The following ADARB2 variants were observed in gnomAD, a reference collection of about 807,000 sequenced individuals.
The protein encoded by ADARB2 is inactive double-stranded RNA-specific editase B2.
Under a neutral mutation model 62.2 loss-of-function variants are expected in ADARB2, and 25 were observed. The observed-to-expected ratio is 0.40, with a 90% confidence interval of 0.29 to 0.56. The LOEUF is 0.56. ADARB2 is among the 20% of genes least tolerant of loss of function. The pLI is 0.43. For synonymous variants in ADARB2, 572 were observed against 500.8 expected (o/e 1.14, Z -1.90); for missense variants, 1,071 against 1,077.4 (o/e 0.99, Z 0.08).
intron 1 of ADARB2, among the ~76,000 whole-genome samples, chr10:1,538,501 TGTGA>T (rs1007496974): frequency 3.9e-5 from 6 of 152,198 alleles, no homozygotes; most frequent in Non-Finnish European, 7.3e-5. Flanking sequence ...CAGAGCCCAG[TGTGA>T]GTTATCTCAG....
At chr10:1,294,031 A>G (rs1831501999) in intron 3 of ADARB2, among the ~76,000 whole-genome samples, 1 of 152,248 alleles carries the variant, frequency 6.6e-6, no homozygotes, top group African/African-American at 2.4e-5. Context: ...GAAAAAACTT[A>G]GAGCAAGCTC....
At chr10:1,462,548 AGTGTATGTGCCTGT>A (rs781237063) in intron 1 of ADARB2, among the ~76,000 whole-genome samples, 145 of 151,524 alleles carry the variant, frequency 9.6e-4, no homozygotes, top group Middle Eastern at 6.8e-3. Context: ...TATGTACATG[AGTGTATGTGCCTGT>A]GTGTATGTGC....
chr10:1,323,268 A>C (rs1021825852), intron 3 of ADARB2, among the ~76,000 whole-genome samples: 2 of 144,026 alleles, frequency 1.4e-5, no homozygotes, highest in African/African-American at 5.2e-5. Context: ...AAAAAAAAAA[A>C]CACTGTTAGG....
intron 1 of ADARB2, among the ~76,000 whole-genome samples, chr10:1,690,718 C>T (rs541926336): frequency 6.6e-6 from 1 of 152,300 alleles, no homozygotes; most frequent in African/African-American, 2.4e-5. Context: ...CCAAGGCCTG[C>T]TGACTGCACC....
chr10:1,227,307 C>A (rs945510468), intron 6 of ADARB2, among the ~76,000 whole-genome samples: 1 of 152,230 alleles, frequency 6.6e-6, no homozygotes, highest in African/African-American at 2.4e-5. Flanking sequence ...CTGTCTGTCA[C>A]CCCTTTCTTT....
intron 1 of ADARB2, among the ~76,000 whole-genome samples, chr10:1,557,952 T>C (rs1832728471): frequency 8.7e-6 from 1 of 115,306 alleles, no homozygotes; most frequent in Admixed American, 8.5e-5. Flanking sequence ...CAAAACAAAA[T>C]CCATGTTCTT....
chr10:1,603,992 A>G (rs142865344), intron 1 of ADARB2, among the ~76,000 whole-genome samples: 136 of 152,054 alleles, frequency 8.9e-4, no homozygotes, highest in African/African-American at 3.1e-3. Context: ...TTTAGTAAAG[A>G]TGGGGTTTCA....
chr10:1,187,874 G>T (rs536967461), intron 8 of ADARB2: 1 of 426,390 alleles, frequency 2.3e-6, no homozygotes, highest in South Asian at 1.6e-5. Flanking sequence ...GTGTCCATAT[G>T]TGCACAGGGA....
chr10:1,450,771 G>A (rs1831026827), intron 1 of ADARB2, among the ~76,000 whole-genome samples: 3 of 152,206 alleles, frequency 2.0e-5, no homozygotes, highest in African/African-American at 4.8e-5. Flanking sequence ...GGGGCTTTGG[G>A]GGCTGCAGGA....
chr10:1,704,087 G>T lies in ADARB2; in HGVS notation c.100+32964C>A, dbSNP rs899426047. On this transcript the variant is annotated intron_variant, in intron 1 of 9. Transcript: ENST00000381312. This position sits in a 1 kb window ranked among gnomAD's most constrained non-coding sequence, Gnocchi z 5.6. The stretch of plus-strand genomic sequence containing the variant: ...CTATATCTAACTTCCTGTGGGTCAG[G>T]AATCCAGGAGCAGCCTCACTCTTGC... Among the ~76,000 whole-genome samples the T allele has an allele frequency of 1.3e-5, 2 of 152,156 alleles. No homozygotes were observed. Among genetic ancestry groups the T allele is most frequent in the African/African-American group, 2.4e-5 (1 of 41,428 alleles).
chr10:1,697,133 C>A (rs567950501), intron 1 of ADARB2, among the ~76,000 whole-genome samples: 1 of 152,138 alleles, frequency 6.6e-6, no homozygotes, highest in African/African-American at 2.4e-5. Flanking sequence ...CCTCCCTGCT[C>A]ATCTGGGTGG....
At chr10:1,415,203 G>T (rs1832791926) in intron 1 of ADARB2, among the ~76,000 whole-genome samples, 1 of 151,958 alleles carries the variant, frequency 6.6e-6, no homozygotes, top group Non-Finnish European at 1.5e-5. Flanking sequence ...ACAGATGGTG[G>T]ATGGATGGGT....
At chr10:1,443,486 G>A (rs772321501) in intron 1 of ADARB2, among the ~76,000 whole-genome samples, 23 of 152,070 alleles carry the variant, frequency 1.5e-4, no homozygotes, top group Non-Finnish European at 2.9e-4. Flanking sequence ...AATTGAATTA[G>A]TATTTTTATT....
At chr10:1,540,223 G>A (rs76987136) in intron 1 of ADARB2, among the ~76,000 whole-genome samples, 6,350 of 152,090 alleles carry the variant, frequency 0.042, 217 homozygotes, top group Non-Finnish European at 0.069. Flanking sequence ...AGGGCAGCCC[G>A]TGGGTCCTGA....
In ADARB2 at chr10:1,182,887, A is replaced by G; in HGVS notation, c.*306T>C. The G allele has an allele frequency of 3.2e-6, 1 of 309,560 alleles. No homozygotes were observed. The highest frequency in any genetic ancestry group is 6.1e-6 in the Non-Finnish European group (1 of 164,418). 19.2% of individuals were successfully genotyped at this position (309,560 alleles called of 1,614,324 possible). ...TGGTGTCGTGTCGGTGCCTCCTTCC[A>G]AGGCTGCAGCTAAAACCCCTTTGCC... is the stretch of plus-strand genomic sequence containing the variant. On this transcript the variant is annotated 3_prime_UTR_variant, in exon 10 of 10. Coordinates refer to ENST00000381312, the MANE Select transcript of ADARB2 (RefSeq NM_018702.4).
intron 3 of ADARB2, among the ~76,000 whole-genome samples, chr10:1,333,478 C>G (rs908590918): frequency 6.6e-6 from 1 of 152,184 alleles, no homozygotes; most frequent in Non-Finnish European, 1.5e-5. Context: ...ATGAAACTGC[C>G]TCTCTGTGCT....
intron 8 of ADARB2, among the ~76,000 whole-genome samples, chr10:1,189,234 A>G (rs1459807614): frequency 6.6e-6 from 1 of 151,982 alleles, no homozygotes; most frequent in Non-Finnish European, 1.5e-5. Context: ...CTCATGTGTG[A>G]ATGATCTCTC....
intron 2 of ADARB2, among the ~76,000 whole-genome samples, chr10:1,375,257 T>C (rs1243430419): frequency 6.6e-6 from 1 of 152,148 alleles, no homozygotes; most frequent in East Asian, 1.9e-4. Flanking sequence ...GAGGTTACAG[T>C]GGCCAGATGG....
chr10:1,591,960 C>G (rs184466060), intron 1 of ADARB2, among the ~76,000 whole-genome samples: 1 of 152,372 alleles, frequency 6.6e-6, no homozygotes, highest in Admixed American at 6.5e-5. Context: ...CACCCACCAG[C>G]CTGTGGACAG....
Sources: allele counts gnomAD v4.1 joint callset (sites outside exome capture counted in the v4.1 genomes callset), GRCh38; gene constraint gnomAD v4.1.1; non-coding constraint Gnocchi (gnomAD v3.1); transcripts MANE v1.5; gene names NCBI Gene and HGNC (gene_info 2026-07-23, HGNC 2026-07-21).